CACNA2D3: variants seen among roughly 807,000 people sequenced by gnomAD.
CACNA2D3 encodes voltage-dependent calcium channel subunit alpha-2/delta-3.
CACNA2D3 carries 60 observed loss-of-function variants against 160.6 expected under a neutral mutation model. The ratio of observed to expected loss-of-function variants is 0.37; its 90% CI spans 0.30 to 0.46. CACNA2D3 has a LOEUF of 0.46. CACNA2D3 is among the 20% of genes least tolerant of loss of function. The pLI, the probability that CACNA2D3 is intolerant of heterozygous loss-of-function variation, is 1.00. For synonymous variants in CACNA2D3, 558 were observed against 492.9 expected (o/e 1.13, Z -1.75); for missense variants, 1,205 against 1,365.0 (o/e 0.88, Z 1.85).
intron 2 of CACNA2D3, among the ~76,000 whole-genome samples, chr3:54,242,634 G>A (rs1460379603): frequency 6.6e-6 from 1 of 152,162 alleles, no homozygotes; most frequent in African/African-American, 2.4e-5. Context: ...AAATGGGTGG[G>A]TAGCATATAT....
At chr3:54,750,228 C>G (rs1345006698) in intron 11 of CACNA2D3, among the ~76,000 whole-genome samples, 1 of 152,206 alleles carries the variant, frequency 6.6e-6, no homozygotes, top group Admixed American at 6.5e-5. Context: ...CTGGCACTCA[C>G]AGCCACTTTT....
rs755532848 is a variant in CACNA2D3 at position 54,196,680 on chromosome 3, G to A, written c.204+73086G>A. ...AGAAAAGAGTCCTCATTTAAATTGC[G>A]TTTTCTGTAATTTCCCACTTAATTT... On this transcript the variant is annotated intron_variant, in intron 2 of 37. Coordinates refer to ENST00000474759, the MANE Select transcript of CACNA2D3 (RefSeq NM_018398.3). Among the ~76,000 whole-genome samples, 13 of 152,154 alleles carry A rather than the reference G, an allele frequency of 8.5e-5. No individual in the cohort carries two copies. In the East Asian group the frequency reaches 1.3e-3, roughly 16 times the overall value.
At chr3:54,642,465 C>T (rs1005429347) in intron 11 of CACNA2D3, among the ~76,000 whole-genome samples, 1 of 152,080 alleles carries the variant, frequency 6.6e-6, no homozygotes, top group Admixed American at 6.5e-5. Context: ...ACATAGTGGA[C>T]GTATTCTGTG....
At chr3:54,623,301 C>G (rs72868896) in intron 9 of CACNA2D3, among the ~76,000 whole-genome samples, 4,224 of 152,254 alleles carry the variant, frequency 0.028, 182 homozygotes, top group African/African-American at 0.096. Context: ...GCTGGCAGCC[C>G]TAGGCTTCCT....
intron 2 of CACNA2D3, among the ~76,000 whole-genome samples, chr3:54,286,393 G>C (rs967754856): frequency 1.3e-5 from 2 of 152,194 alleles, no homozygotes; most frequent in Non-Finnish European, 2.9e-5. Context: ...AGAATAAAAA[G>C]AAACGAACAA....
At chr3:54,964,833 G>C (rs1249459532) in intron 27 of CACNA2D3, among the ~76,000 whole-genome samples, 1 of 149,152 alleles carries the variant, frequency 6.7e-6, no homozygotes, top group Non-Finnish European at 1.5e-5. Flanking sequence ...TTTTTTTGTT[G>C]CCTTGTTTTT....
intron 2 of CACNA2D3, among the ~76,000 whole-genome samples, chr3:54,295,951 G>T (rs753995176): frequency 2.6e-5 from 4 of 152,228 alleles, no homozygotes; most frequent in Non-Finnish European, 4.4e-5. Context: ...CCCTTCCCAA[G>T]TTCAAGGAAT....
intron 14 of CACNA2D3, among the ~76,000 whole-genome samples, chr3:54,823,221 T>C (rs1703679821): frequency 6.6e-6 from 1 of 152,128 alleles, no homozygotes; most frequent in African/African-American, 2.4e-5. Context: ...AGTGTGTGTC[T>C]ACTTGTGTGT....
chr3:54,407,357 A>C (rs1008754469), intron 4 of CACNA2D3, among the ~76,000 whole-genome samples: 3 of 152,144 alleles, frequency 2.0e-5, no homozygotes, highest in Admixed American at 1.3e-4. Context: ...TGTTAAAATA[A>C]CCACCCCCAC....
intron 2 of CACNA2D3, among the ~76,000 whole-genome samples, chr3:54,252,099 A>ATTTTTTTTTTTTT (rs1575345395): frequency 2.8e-5 from 2 of 71,530 alleles, no homozygotes; most frequent in African/African-American, 1.6e-4. Flanking sequence ...TTGCAGAGCT[A>ATTTTTTTTTTTTT]GTTTTTTTTT....
intron 3 of CACNA2D3, among the ~76,000 whole-genome samples, chr3:54,327,038 G>A (rs1219516148): frequency 1.3e-5 from 2 of 152,106 alleles, no homozygotes; most frequent in Admixed American, 6.5e-5. Context: ...TCTTAAAAAA[G>A]AGCAACAATC....
intron 2 of CACNA2D3, among the ~76,000 whole-genome samples, chr3:54,217,984 C>T (rs1403305834): frequency 1.3e-5 from 2 of 149,808 alleles, no homozygotes; most frequent in African/African-American, 4.9e-5. Flanking sequence ...GAGAGAGAGG[C>T]GTGTTAAAGA....
intron 27 of CACNA2D3, among the ~76,000 whole-genome samples, chr3:54,911,191 A>G (rs1044958587): frequency 6.6e-6 from 1 of 152,028 alleles, no homozygotes; most frequent in African/African-American, 2.4e-5. Context: ...TCCTAAATCT[A>G]TTACCTAGTC....
chr3:54,618,118 C>G (rs1002321217), intron 9 of CACNA2D3, among the ~76,000 whole-genome samples: 1 of 151,750 alleles, frequency 6.6e-6, no homozygotes, highest in African/African-American at 2.4e-5. Flanking sequence ...ATGAAGCACT[C>G]TGTCTACATT....
At chr3:54,310,683 A>C (rs1703719950) in intron 2 of CACNA2D3, among the ~76,000 whole-genome samples, 1 of 152,148 alleles carries the variant, frequency 6.6e-6, no homozygotes, top group Non-Finnish European at 1.5e-5. Context: ...GTTTCTTCTT[A>C]TTGTTGCGGC....
chr3:54,802,377 A>C (rs1481649237), intron 13 of CACNA2D3, among the ~76,000 whole-genome samples: 1 of 152,222 alleles, frequency 6.6e-6, no homozygotes, highest in Non-Finnish European at 1.5e-5. Context: ...TTATTATAAA[A>C]ACCAGAATAG....
chr3:54,184,532 TC>T (rs1212865486), intron 2 of CACNA2D3, among the ~76,000 whole-genome samples: 1 of 152,178 alleles, frequency 6.6e-6, no homozygotes, highest in East Asian at 1.9e-4. Context: ...GACATTTGTC[TC>T]CCCAATCCCC....
chr3:54,219,129 C>T (rs918024239), intron 2 of CACNA2D3, among the ~76,000 whole-genome samples: 1 of 152,188 alleles, frequency 6.6e-6, no homozygotes, highest in Non-Finnish European at 1.5e-5. Flanking sequence ...TATGGCAGCC[C>T]TGTCTCTCTC....
chr3:54,239,598 A>C (rs1014807054), intron 2 of CACNA2D3, among the ~76,000 whole-genome samples: 1 of 152,228 alleles, frequency 6.6e-6, no homozygotes, highest in Non-Finnish European at 1.5e-5. Flanking sequence ...ATTGTGTGCT[A>C]AGGGGGTTCA....
Sources: gnomAD v4.1 joint callset for allele counts (sites outside exome capture counted in the v4.1 genomes callset) on GRCh38, gnomAD v4.1.1 for gene constraint, MANE v1.5 for transcripts, NCBI Gene and HGNC (gene_info 2026-07-23, HGNC 2026-07-21) for gene names.